The following SLC9A4 variants were observed in gnomAD, a reference collection of about 807,000 sequenced individuals.
SLC9A4 encodes the protein solute carrier family 9 member A4, also known as sodium/hydrogen exchanger 4.
SLC9A4 carries 63 observed loss-of-function variants against 67.4 expected under a neutral mutation model. The observed-to-expected ratio is 0.93, with a 90% CI of 0.76 to 1.15. The LOEUF (loss-of-function observed/expected upper bound fraction) is 1.15. Among genes scored for constraint, SLC9A4 ranks in the 50% most tolerant of loss-of-function variants. SLC9A4 has a pLI of 0.00. For missense variants in SLC9A4, 1,089 were observed against 987.7 expected, an observed-to-expected ratio of 1.10 and a Z score of -1.38; for synonymous variants, 393 against 367.2, an observed-to-expected ratio of 1.07 and a Z score of -0.80.
chr2:102,476,446 A>G (rs1467881210), intron 1 of SLC9A4, among the ~76,000 whole-genome samples: 2 of 152,198 alleles, frequency 1.3e-5, no homozygotes, highest in African/African-American at 2.4e-5. Flanking sequence ...TTCCCTTTAC[A>G]AGGCCCTACT....
rs375740273 is a variant in SLC9A4, at chr2:102,514,217, A to T, written c.1687A>T (p.Ile563Leu). The T allele has an allele frequency of 6.2e-7, 1 of 1,614,088 alleles. No individual in the cohort carries two copies. Among genetic ancestry groups the T allele is most frequent in the South Asian group, 1.1e-5 (1 of 91,068 alleles). The change falls in exon 8 of 12, where the codon ATA (isoleucine) becomes TTA (leucine). Residue 563 changes from isoleucine (I) to leucine (L), a missense_variant. Transcript: ENST00000295269. ...KQAIEMVETG[I>L]LSSTAFSIPH... is the part of the protein sequence containing the mutation. ...AGCCATCGAGATGGTGGAGACTGGG[A>T]TACTGAGCTCTACAGCTTTCTCCAT...
At chr2:102,503,379 G>A in intron 2 of SLC9A4, 69 bp from the exon 3 acceptor site, 1 of 1,373,906 alleles carries the variant, frequency 7.3e-7, no homozygotes, top group Non-Finnish European at 9.8e-7. Flanking sequence ...ACAAAGCTGA[G>A]AATGTGCATG....
At chr2:102,480,072 T>C (rs1684426528) in intron 2 of SLC9A4, among the ~76,000 whole-genome samples, 1 of 152,210 alleles carries the variant, frequency 6.6e-6, no homozygotes, top group Non-Finnish European at 1.5e-5. Context: ...ATTTTTAAAT[T>C]TCTATCACAG....
intron 5 of SLC9A4, 73 bp from the exon 6 acceptor site, chr2:102,508,774 G>C: frequency 1.8e-6 from 2 of 1,111,184 alleles, no homozygotes; most frequent in South Asian, 1.4e-5. Context: ...TAATAGTTTT[G>C]TTAATAAATT....
At chr2:102,478,093 A>G (rs1012472178) in intron 1 of SLC9A4, among the ~76,000 whole-genome samples, 4 of 152,172 alleles carry the variant, frequency 2.6e-5, no homozygotes, top group Non-Finnish European at 5.9e-5. Flanking sequence ...TTAGGTGGGA[A>G]TTGAGACAAT....
At chr2:102,515,661 T>G (rs1349916263) in intron 8 of SLC9A4, among the ~76,000 whole-genome samples, 1 of 152,024 alleles carries the variant, frequency 6.6e-6, no homozygotes, top group Non-Finnish European at 1.5e-5. Context: ...GTTGATATTA[T>G]ATTCATCAGT....
At chr2:102,485,093 C>A (rs1241554697) in intron 2 of SLC9A4, among the ~76,000 whole-genome samples, 1 of 152,148 alleles carries the variant, frequency 6.6e-6, no homozygotes, top group Non-Finnish European at 1.5e-5. Flanking sequence ...AGGACAGAGA[C>A]CCCCTGGACC....
At chr2:102,508,016 A>C (rs1685083714) in intron 4 of SLC9A4, 63 bp from the exon 5 acceptor site, 1 of 1,530,500 alleles carries the variant, frequency 6.5e-7, no homozygotes, top group African/African-American at 1.4e-5. Context: ...ACCTCAGTTC[A>C]CTAGCTCTGT....
intron 8 of SLC9A4, among the ~76,000 whole-genome samples, chr2:102,519,097 C>A (rs1685339976): frequency 6.6e-6 from 1 of 151,994 alleles, no homozygotes; most frequent in South Asian, 2.1e-4. Context: ...CTTTATAATC[C>A]CCAGAGGACA....
chr2:102,488,340 A>C lies in SLC9A4; in HGVS notation c.720+9038A>C, dbSNP rs149013452. Among the ~76,000 whole-genome samples the C allele has an allele frequency of 4.6e-5, 7 of 152,258 alleles. No individual in the cohort carries two copies. In the East Asian group the frequency reaches 5.8e-4, roughly 13 times the overall value. On this transcript the variant is annotated intron_variant, in intron 2 of 11. Coordinates refer to ENST00000295269, the MANE Select transcript of SLC9A4 (RefSeq NM_001011552.4). ...TCCTTATAGCTTCCTCCATGGTTGC[A>C]TAAATGGATGACATCCAGCAGAACC... is the stretch of plus-strand genomic sequence containing the variant.
At chr2:102,506,003 T>C (rs921206380) in intron 4 of SLC9A4, among the ~76,000 whole-genome samples, 9 of 152,306 alleles carry the variant, frequency 5.9e-5, no homozygotes, top group African/African-American at 2.2e-4. Context: ...CTAAATAGTA[T>C]AGGTGGTTTC....
rs758578804 is a variant in SLC9A4 at position 102,514,076 on chromosome 2, G to A, written c.1560-14G>A. ...GACGTTCAAGATTTCCAAAATGTTG[G>A]TTTTCATTTTTAGGTTTAAGAAGTT... On this transcript the variant is annotated splice_polypyrimidine_tract_variant and intron_variant, in intron 7 of 11. Transcript: ENST00000295269. 2 of 1,608,120 alleles carry A rather than the reference G, an allele frequency of 1.2e-6. No homozygotes were observed. Among genetic ancestry groups the A allele is most frequent in the Non-Finnish European group, 8.5e-7 (1 of 1,177,932 alleles).
At chr2:102,490,881 C>T (rs867167820) in intron 2 of SLC9A4, among the ~76,000 whole-genome samples, 1 of 152,192 alleles carries the variant, frequency 6.6e-6, no homozygotes, top group Non-Finnish European at 1.5e-5. Context: ...CAACAGGTCT[C>T]TCCCTTCATA....
At chr2:102,497,838 GA>G (rs1003213428) in intron 2 of SLC9A4, among the ~76,000 whole-genome samples, 30 of 151,898 alleles carry the variant, frequency 2.0e-4, no homozygotes, top group Non-Finnish European at 3.5e-4. Flanking sequence ...AAGTTAACAA[GA>G]AAAAAAATGT....
At chr2:102,492,747 C>T (rs1684730422) in intron 2 of SLC9A4, among the ~76,000 whole-genome samples, 1 of 152,172 alleles carries the variant, frequency 6.6e-6, no homozygotes, top group South Asian at 2.1e-4. Context: ...CATTCAGCTC[C>T]TCATTACTTG....
At chr2:102,483,878 CATATATA>C (rs907540602) in intron 2 of SLC9A4, among the ~76,000 whole-genome samples, 10 of 135,880 alleles carry the variant, frequency 7.4e-5, no homozygotes, top group Non-Finnish European at 3.2e-5. Context: ...CACATATATA[CATATATA>C]ATATATAGAA....
chr2:102,529,182 G>C (rs6713458), intron 11 of SLC9A4, among the ~76,000 whole-genome samples: 5 of 152,200 alleles, frequency 3.3e-5, no homozygotes, highest in African/African-American at 1.2e-4. Flanking sequence ...CACCATGTCA[G>C]TTCTACATGA....
chr2:102,483,760 A>G (rs6543148), intron 2 of SLC9A4, among the ~76,000 whole-genome samples: 15,876 of 148,594 alleles, frequency 0.11, 1,147 homozygotes, highest in African/African-American at 0.2. Flanking sequence ...ATGGATACAA[A>G]AATTAGCTTG....
rs1363792454 is a variant in SLC9A4, at chr2:102,479,115, A to C, written c.533A>C (p.Tyr178Ser). Reference sequence around the variant, plus strand: ...GCCTTGGGCATTGGCCTCTCCCTCTACCTCATCTGCCAGGTGAAGGCCTTT... The same window carrying C: ...GCCTTGGGCATTGGCCTCTCCCTCTCCCTCATCTGCCAGGTGAAGGCCTTT... ...INALGIGLSLYLICQVKAFGL... is the reference protein window; with the variant it reads ...INALGIGLSLSLICQVKAFGL... The change falls in exon 2 of 12, where the codon TAC becomes TCC. Residue 178 changes from tyrosine (Y) to serine (S), a missense_variant. Coordinates refer to ENST00000295269, the MANE Select transcript of SLC9A4 (RefSeq NM_001011552.4). 2 of 1,613,726 alleles carry C rather than the reference A, an allele frequency of 1.2e-6. No individual in the cohort carries two copies. Among genetic ancestry groups the C allele is most frequent in the Non-Finnish European group, 1.7e-6 (2 of 1,179,958 alleles).
Sources: gnomAD v4.1 joint callset for allele counts (sites outside exome capture counted in the v4.1 genomes callset) on GRCh38, gnomAD v4.1.1 for gene constraint, MANE v1.5 for transcripts, NCBI Gene and HGNC (gene_info 2026-07-23, HGNC 2026-07-21) for gene names.